The following PRSS12 variants were observed in gnomAD, a reference collection of about 807,000 sequenced individuals.
PRSS12 encodes serine protease 12.
PRSS12 carries 85 observed loss-of-function variants against 104.4 expected under a neutral mutation model. That is an observed-to-expected ratio of 0.81 (90% CI 0.68 to 0.98). PRSS12 has a LOEUF of 0.98. Among genes scored for constraint, PRSS12 ranks in the 50% least tolerant of loss-of-function variants. The probability of loss-of-function intolerance (pLI) is 0.00; values close to 1 mark genes in which losing one functional copy is unlikely to be tolerated. For missense variants in PRSS12, 1,141 were observed against 1,139.2 expected, an observed-to-expected ratio of 1.00 and a Z score of -0.02; for synonymous variants, 454 against 425.2, an observed-to-expected ratio of 1.07 and a Z score of -0.83.
intron 4 of PRSS12, among the ~76,000 whole-genome samples, chr4:118,322,699 T>C (rs1316748196): frequency 1.3e-5 from 2 of 152,044 alleles, no homozygotes; most frequent in African/African-American, 4.8e-5. Context: ...AATATGTTTA[T>C]GAAAATACTA....
chr4:118,290,830 A>G (rs62328871), intron 11 of PRSS12, among the ~76,000 whole-genome samples: 8,415 of 151,892 alleles, frequency 0.055, 317 homozygotes, highest in East Asian at 0.2. Flanking sequence ...CAGTCTCTCT[A>G]CCTTCACTCC....
rs375822810 is a variant in PRSS12, at chr4:118,352,389, C to A, written c.332G>T (p.Arg111Leu). The A allele has an allele frequency of 6.7e-5, 103 of 1,547,100 alleles. 1 individual carries two copies. The African/African-American group carries it at 1.3e-3, about 20-fold the overall frequency. Residue 111 changes from arginine to leucine, a missense_variant, in exon 1 of 13, where the codon CGG becomes CTG. Physicochemically the swap from Arg to Leu is moderately radical, Grantham distance 102 (BLOSUM62 -2). Transcript: ENST00000296498. ...CAGGAAGGGTGGCACCTCCGCCCAC[C>A]GCAGACACGGGGCGCCGAAGTCCGT... ...SVTDFGAPCL[R>L]WAEVPPFLER... is the part of the protein sequence containing the mutation.
At chr4:118,306,346 A>T (rs1184177533) in intron 8 of PRSS12, among the ~76,000 whole-genome samples, 1 of 152,216 alleles carries the variant, frequency 6.6e-6, no homozygotes, top group East Asian at 1.9e-4. Flanking sequence ...CCATTGCCAT[A>T]AAGAAATACC....
chr4:118,303,761 TTGC>T (rs1394611183), intron 8 of PRSS12: 1 of 152,098 alleles, frequency 6.6e-6, no homozygotes, highest in Non-Finnish European at 1.5e-5. Flanking sequence ...AAAAATAATC[TTGC>T]TGCTATCAAG....
chr4:118,341,212 C>G (rs963973159), intron 1 of PRSS12, among the ~76,000 whole-genome samples: 1 of 152,134 alleles, frequency 6.6e-6, no homozygotes. Context: ...AGGAAAAGAT[C>G]AAAGGAAAAC....
chr4:118,284,460 CCT>C (rs558373368), intron 11 of PRSS12, among the ~76,000 whole-genome samples: 81 of 152,304 alleles, frequency 5.3e-4, no homozygotes, highest in Admixed American at 1.4e-3. Flanking sequence ...TTTGTAGTTC[CCT>C]GACTTACTCA....
At chr4:118,283,979 T>C (rs28514662) in intron 11 of PRSS12, among the ~76,000 whole-genome samples, 508 of 152,316 alleles carry the variant, frequency 3.3e-3, no homozygotes, top group African/African-American at 0.012. Flanking sequence ...TATTAATGTA[T>C]ACTTTCTATA....
At chr4:118,345,209 C>G (rs981448018) in intron 1 of PRSS12, among the ~76,000 whole-genome samples, 77 of 152,296 alleles carry the variant, frequency 5.1e-4, no homozygotes, top group African/African-American at 1.8e-3. Flanking sequence ...ATCCCCTCTG[C>G]TGATCCTAAT....
At chr4:118,286,595 A>C (rs1578901348) in intron 11 of PRSS12, among the ~76,000 whole-genome samples, 1 of 152,332 alleles carries the variant, frequency 6.6e-6, no homozygotes, top group Admixed American at 6.5e-5. Context: ...TTGTATCCTT[A>C]GCACCCAGCA....
chr4:118,335,227 T>G (rs532861413), intron 3 of PRSS12, among the ~76,000 whole-genome samples: 40 of 152,116 alleles, frequency 2.6e-4, no homozygotes, highest in African/African-American at 8.9e-4. Context: ...ATATACATAT[T>G]TATTTAAGCA....
At chr4:118,341,606 C>T (rs779082380) in intron 1 of PRSS12, among the ~76,000 whole-genome samples, 3 of 150,422 alleles carry the variant, frequency 2.0e-5, no homozygotes, top group Non-Finnish European at 4.4e-5. Flanking sequence ...CACTTGAACC[C>T]GGGAGGCTGA....
chr4:118,347,347 C>T (rs1286051963), intron 1 of PRSS12, among the ~76,000 whole-genome samples: 8 of 152,124 alleles, frequency 5.3e-5, no homozygotes, highest in Non-Finnish European at 2.9e-5. Context: ...ATGAGTACAG[C>T]CTGTAAACAA....
intron 8 of PRSS12, among the ~76,000 whole-genome samples, chr4:118,306,452 C>T (rs1413851451): frequency 6.6e-6 from 1 of 152,186 alleles, no homozygotes; most frequent in Admixed American, 6.6e-5. Flanking sequence ...TTGGCTTCTG[C>T]TGATGCCCAG....
intron 5 of PRSS12, 121 bp from the exon 6 acceptor site, chr4:118,316,444 C>T (rs1723415837): frequency 8.1e-7 from 1 of 1,228,384 alleles, no homozygotes; most frequent in Non-Finnish European, 1.2e-6. Flanking sequence ...TTTTGCTAAA[C>T]TTACATTACA....
intron 11 of PRSS12, among the ~76,000 whole-genome samples, chr4:118,294,617 G>T (rs755665598): frequency 5.3e-5 from 8 of 151,682 alleles, no homozygotes; most frequent in Admixed American, 1.3e-4. Flanking sequence ...ATAATCCGAG[G>T]TCTATTCTAC....
At chr4:118,304,430 C>A (rs922745022) in intron 8 of PRSS12, among the ~76,000 whole-genome samples, 1 of 151,808 alleles carries the variant, frequency 6.6e-6, no homozygotes. Context: ...AAATGTCATA[C>A]AAATATACCA....
At chr4:118,306,267 T>C (rs1340202037) in intron 8 of PRSS12, among the ~76,000 whole-genome samples, 2 of 152,246 alleles carry the variant, frequency 1.3e-5, no homozygotes, top group Admixed American at 6.5e-5. Flanking sequence ...ATAGCCATTC[T>C]AACATGAGGC....
intron 10 of PRSS12, among the ~76,000 whole-genome samples, chr4:118,295,451 T>C (rs1315187284): frequency 6.6e-6 from 1 of 152,246 alleles, no homozygotes; most frequent in Non-Finnish European, 1.5e-5. Context: ...TAGATTAAAC[T>C]GAGTCAAGTC....
chr4:118,309,263 G>A (rs1743642293), intron 7 of PRSS12, among the ~76,000 whole-genome samples: 1 of 152,202 alleles, frequency 6.6e-6, no homozygotes, highest in Admixed American at 6.5e-5. Flanking sequence ...GATTTGTAAA[G>A]TGTCACATAT....
Sources: allele counts gnomAD v4.1 joint callset (sites outside exome capture counted in the v4.1 genomes callset), GRCh38; gene constraint gnomAD v4.1.1; transcripts MANE v1.5; gene names NCBI Gene and HGNC (gene_info 2026-07-23, HGNC 2026-07-21).